The following SMIM10L1 variants were observed in gnomAD, a reference collection of about 807,000 sequenced individuals.
SMIM10L1 encodes small integral membrane protein 10 like 1, also known as small integral membrane protein 10-like protein 1.
Under a neutral mutation model 4.5 loss-of-function variants are expected in SMIM10L1, and 6 were observed. The ratio of observed to expected loss-of-function variants is 1.33; its 90% CI spans 0.73 to 2.62. The LOEUF (loss-of-function observed/expected upper bound fraction) is 2.62, where lower values mean the gene tolerates loss of function less well. Ranked by LOEUF, SMIM10L1 falls within the 30% of genes most tolerant of loss-of-function variation. The pLI is 0.00. For synonymous variants in SMIM10L1, 49 were observed against 42.2 expected (o/e 1.16, Z -0.63); for missense variants, 66 against 86.2 (o/e 0.77, Z 0.93).
Position 11,171,259 on chromosome 12 carries a change from T to C in SMIM10L1, c.-98T>C. ...CTTGGGTGTGAGCCCGGGAGCCGCT[T>C]TGCTTACCGTCCTGCCGGTCCCAGC... On this transcript the variant is annotated 5_prime_UTR_variant, in exon 1 of 1. Transcript: ENST00000622602. 2 of 810,256 alleles carry C rather than the reference T, an allele frequency of 2.5e-6. No individual in the cohort carries two copies. Among genetic ancestry groups the C allele is most frequent in the East Asian group, 3.4e-5 (1 of 29,658 alleles). 50.2% of individuals were successfully genotyped at this position (810,256 alleles called of 1,614,324 possible).
Position 11,171,832 on chromosome 12 carries a change from T to G in SMIM10L1, c.*269T>G, listed in dbSNP as rs1488649248. The G allele has an allele frequency of 3.2e-6, 1 of 313,038 alleles. No individual in the cohort carries two copies. The highest frequency in any genetic ancestry group is 5.8e-6 in the Non-Finnish European group (1 of 172,040). 19.4% of individuals were successfully genotyped at this position (313,038 alleles called of 1,614,324 possible). On this transcript the variant is annotated 3_prime_UTR_variant, in exon 1 of 1. Coordinates refer to ENST00000622602, the MANE Select transcript of SMIM10L1 (RefSeq NM_001271592.2). ...AAGAAAGTGTGCATCCTAAAACACC[T>G]GACGAATTTCAGAATGTGACAAAGC...
rs1169707512 is a variant in SMIM10L1, at chr12:11,175,729, A to C, written c.*4166A>C. The C allele has an allele frequency of 6.6e-6, 1 of 152,218 alleles. No homozygotes were observed. Among genetic ancestry groups the C allele is most frequent in the Non-Finnish European group, 1.5e-5 (1 of 68,092 alleles). The allele number at this position is 152,218 out of a possible 1,614,324, so 9.4% of individuals were successfully genotyped here. A position where few individuals can be genotyped will look rare whatever the true frequency, so the allele number is the denominator to read the frequency against. On this transcript the variant is annotated 3_prime_UTR_variant, in exon 1 of 1. Transcript: ENST00000622602. The stretch of plus-strand genomic sequence containing the variant: ...GTACTATGGTCTGAATGTGCCCCCC[A>C]AAAATTCACATGTTGGCATTTAACC...
At position 11,171,462 on chromosome 12, in the gene SMIM10L1, C is replaced by T. The variant is rs1450644654; in HGVS notation, c.106C>T (p.Leu36Phe). The change falls in exon 1 of 1, where the codon CTC becomes TTC. Residue 36 changes from leucine to phenylalanine, a missense_variant. Leu to Phe is a conservative substitution (Grantham distance 22). Coordinates refer to ENST00000622602, the MANE Select transcript of SMIM10L1 (RefSeq NM_001271592.2). The stretch of plus-strand genomic sequence containing the variant: ...CTGCAAGGGGCTCTCCCGCACCCTG[C>T]TCGCCTTCTTCGAGCTGGCCTGGCA... The part of the protein sequence containing the change: ...VFCKGLSRTL[L>F]AFFELAWQLR... 1.6e-6 allele frequency: 2 copies of T among 1,232,166 alleles called. No individual in the cohort carries two copies. Among genetic ancestry groups the T allele is most frequent in the Non-Finnish European group, 2.0e-6 (2 of 988,052 alleles). The allele number at this position is 1,232,166 out of a possible 1,614,324, so 76.3% of individuals were successfully genotyped here.
rs979605300 is a variant in SMIM10L1, at chr12:11,173,815, A to G, written c.*2252A>G. Reference sequence around the variant, plus strand: ...AACATAATTGGCAGCTCTGTGAGGGAAGACACTATATCCTATTCAATTTTA... The same window carrying G: ...AACATAATTGGCAGCTCTGTGAGGGGAGACACTATATCCTATTCAATTTTA... On this transcript the variant is annotated 3_prime_UTR_variant, in exon 1 of 1. Coordinates refer to ENST00000622602, the MANE Select transcript of SMIM10L1 (RefSeq NM_001271592.2). The G allele has an allele frequency of 6.6e-6, 1 of 152,002 alleles. No individual in the cohort carries two copies. Among genetic ancestry groups the G allele is most frequent in the African/African-American group, 2.4e-5 (1 of 41,406 alleles). The allele number at this position is 152,002 out of a possible 1,614,324, so 9.4% of individuals were successfully genotyped here.
chr12:11,171,304 G>A lies in SMIM10L1; in HGVS notation c.-53G>A, dbSNP rs1947835709. 4 of 1,153,142 alleles carry A rather than the reference G, an allele frequency of 3.5e-6. No homozygotes were observed. The highest frequency in any genetic ancestry group is 4.4e-6 in the Non-Finnish European group (4 of 915,912). The allele number at this position is 1,153,142 out of a possible 1,614,324, so 71.4% of individuals were successfully genotyped here. A position where few individuals can be genotyped will look rare whatever the true frequency, so the allele number is the denominator to read the frequency against. Reference sequence around the variant, plus strand: ...CCCAGCCGTCGCTAGGAGGTCCGCGGGCCCTGCGGCAACCCTCGCTACAGA... The same window carrying A: ...CCCAGCCGTCGCTAGGAGGTCCGCGAGCCCTGCGGCAACCCTCGCTACAGA... On this transcript the variant is annotated 5_prime_UTR_variant, in exon 1 of 1. Transcript: ENST00000622602.
rs1209875392 is a variant in SMIM10L1 at position 11,173,100 on chromosome 12, TTAAC to T, written c.*1541_*1544del. On this transcript the variant is annotated 3_prime_UTR_variant, in exon 1 of 1. Coordinates refer to ENST00000622602, the MANE Select transcript of SMIM10L1 (RefSeq NM_001271592.2). ...ACGCATTTTTTTTTTCAGGAAAAAA[TTAAC>T]TAATAAACCACTAAGAGGGGTAAAG... The T allele has an allele frequency of 9.2e-5, 14 of 151,792 alleles. No homozygotes were observed. Among genetic ancestry groups the T allele is most frequent in the Admixed American group, 6.6e-5 (1 of 15,238 alleles). The allele number at this position is 151,792 out of a possible 1,614,324, so 9.4% of individuals were successfully genotyped here.
Position 11,174,909 on chromosome 12 carries a change from C to T in SMIM10L1, c.*3346C>T, listed in dbSNP as rs1947926870. ...GGATTTAGAGAGGTTAAGTAAATTC[C>T]TAAGGTCATGATAACCAACCAGACC... On this transcript the variant is annotated 3_prime_UTR_variant, in exon 1 of 1. Transcript: ENST00000622602. The T allele has an allele frequency of 6.6e-6, 1 of 152,402 alleles. No individual in the cohort carries two copies. The highest frequency in any genetic ancestry group is 1.5e-5 in the Non-Finnish European group (1 of 67,978). The allele number at this position is 152,402 out of a possible 1,614,324, so 9.4% of individuals were successfully genotyped here.
Position 11,171,265 on chromosome 12 carries a change from A to T in SMIM10L1, c.-92A>T. On this transcript the variant is annotated 5_prime_UTR_variant, in exon 1 of 1. Coordinates refer to ENST00000622602, the MANE Select transcript of SMIM10L1 (RefSeq NM_001271592.2). ...TGTGAGCCCGGGAGCCGCTTTGCTT[A>T]CCGTCCTGCCGGTCCCAGCCGTCGC... The T allele has an allele frequency of 2.4e-6, 2 of 848,746 alleles. No homozygotes were observed. The highest frequency in any genetic ancestry group is 3.1e-6 in the Non-Finnish European group (2 of 637,910). The allele number at this position is 848,746 out of a possible 1,614,324, so 52.6% of individuals were successfully genotyped here.
Position 11,171,728 on chromosome 12 carries a change from G to A in SMIM10L1, c.*165G>A, listed in dbSNP as rs1444312298. 9.1e-6 allele frequency: 4 copies of A among 439,786 alleles called. No homozygotes were observed. The highest frequency in any genetic ancestry group is 1.1e-5 in the Non-Finnish European group (3 of 265,060). The allele number at this position is 439,786 out of a possible 1,614,324, so 27.2% of individuals were successfully genotyped here. On this transcript the variant is annotated 3_prime_UTR_variant, in exon 1 of 1. Coordinates refer to ENST00000622602, the MANE Select transcript of SMIM10L1 (RefSeq NM_001271592.2). Reference sequence around the variant, plus strand: ...CTGCTAGCGGAGCTCCTCAGGGGGCGGCCGGGAGCCTACAATCCCTAGAAA... The same window carrying A: ...CTGCTAGCGGAGCTCCTCAGGGGGCAGCCGGGAGCCTACAATCCCTAGAAA...
rs1947886913 is a variant in SMIM10L1, at chr12:11,172,940, G to A, written c.*1377G>A. 1 of 152,056 alleles carries A rather than the reference G, an allele frequency of 6.6e-6. No homozygotes were observed. Among genetic ancestry groups the A allele is most frequent in the African/African-American group, 2.4e-5 (1 of 41,418 alleles). The allele number at this position is 152,056 out of a possible 1,614,324, so 9.4% of individuals were successfully genotyped here. The stretch of plus-strand genomic sequence containing the variant: ...TGTGTAATGGTGGTGAGCCAATCAA[G>A]ATCTGATATAGAAAAATGCAGAAAA... On this transcript the variant is annotated 3_prime_UTR_variant, in exon 1 of 1. Coordinates refer to ENST00000622602, the MANE Select transcript of SMIM10L1 (RefSeq NM_001271592.2).
At position 11,172,823 on chromosome 12, in the gene SMIM10L1, A is replaced by G. The variant is rs1947884526; in HGVS notation, c.*1260A>G. 1 of 152,218 alleles carries G rather than the reference A, an allele frequency of 6.6e-6. No homozygotes were observed. The highest frequency in any genetic ancestry group is 6.5e-5 in the Admixed American group (1 of 15,288). The allele number at this position is 152,218 out of a possible 1,614,324, so 9.4% of individuals were successfully genotyped here. On this transcript the variant is annotated 3_prime_UTR_variant, in exon 1 of 1. Transcript: ENST00000622602. ...CAACTGTGAATAATAGTAGTCATGT[A>G]AAGTCAGTCATAATTATGTAAATAC...
At position 11,175,426 on chromosome 12, in the gene SMIM10L1, C is replaced by T. The variant is rs1947934034; in HGVS notation, c.*3863C>T. ...GGACATCAATAGCTTTTGATAGCGT[C>T]AAGAAGAAAATAAAGTTACATGCAG... On this transcript the variant is annotated 3_prime_UTR_variant, in exon 1 of 1. Transcript: ENST00000622602. 6.6e-6 allele frequency: 1 copy of T among 151,940 alleles called. No individual in the cohort carries two copies. Among genetic ancestry groups the T allele is most frequent in the South Asian group, 2.1e-4 (1 of 4,820 alleles). The allele number at this position is 151,940 out of a possible 1,614,324, so 9.4% of individuals were successfully genotyped here.
chr12:11,175,801 G>T lies in SMIM10L1; in HGVS notation c.*4238G>T, dbSNP rs754027812. 1.3e-5 allele frequency: 2 copies of T among 152,132 alleles called. No homozygotes were observed. Among genetic ancestry groups the T allele is most frequent in the Admixed American group, 1.3e-4 (2 of 15,266 alleles). 9.4% of individuals were successfully genotyped at this position (152,132 alleles called of 1,614,324 possible). The stretch of plus-strand genomic sequence containing the variant: ...GATGGGACCTTTGGGAGGTGATCAG[G>T]TCATAAAGATGAAACCCTCGTGAAT... On this transcript the variant is annotated 3_prime_UTR_variant, in exon 1 of 1. Transcript: ENST00000622602.
At position 11,171,250 on chromosome 12, in the gene SMIM10L1, G is replaced by A. The variant is rs924847704; in HGVS notation, c.-107G>A. 2.2e-5 allele frequency: 16 copies of A among 716,766 alleles called. No homozygotes were observed. Among genetic ancestry groups the A allele is most frequent in the East Asian group, 3.4e-5 (1 of 29,220 alleles). 44.4% of individuals were successfully genotyped at this position (716,766 alleles called of 1,614,324 possible). A position where few individuals can be genotyped will look rare whatever the true frequency, so the allele number is the denominator to read the frequency against. ...AGCGGCAAGCTTGGGTGTGAGCCCG[G>A]GAGCCGCTTTGCTTACCGTCCTGCC... On this transcript the variant is annotated 5_prime_UTR_variant, in exon 1 of 1. Transcript: ENST00000622602.
chr12:11,172,240 T>A lies in SMIM10L1; in HGVS notation c.*677T>A, dbSNP rs1947871869. The A allele has an allele frequency of 6.6e-6, 1 of 152,260 alleles. No homozygotes were observed. The highest frequency in any genetic ancestry group is 1.5e-5 in the Non-Finnish European group (1 of 68,048). The allele number at this position is 152,260 out of a possible 1,614,324, so 9.4% of individuals were successfully genotyped here. A position where few individuals can be genotyped will look rare whatever the true frequency, so the allele number is the denominator to read the frequency against. On this transcript the variant is annotated 3_prime_UTR_variant, in exon 1 of 1. Coordinates refer to ENST00000622602, the MANE Select transcript of SMIM10L1 (RefSeq NM_001271592.2). ...CCATAGTAGCACAAAGCTTGGCTGT[T>A]CAGTGAATAACATTTAAATAATCGT... is the stretch of plus-strand genomic sequence containing the variant.
Position 11,174,388 on chromosome 12 carries a change from G to A in SMIM10L1, c.*2825G>A, listed in dbSNP as rs1378840998. 6.6e-6 allele frequency: 1 copy of A among 152,060 alleles called. No individual in the cohort carries two copies. The highest frequency in any genetic ancestry group is 1.5e-5 in the Non-Finnish European group (1 of 67,968). 9.4% of individuals were successfully genotyped at this position (152,060 alleles called of 1,614,324 possible). A position where few individuals can be genotyped will look rare whatever the true frequency, so the allele number is the denominator to read the frequency against. On this transcript the variant is annotated 3_prime_UTR_variant, in exon 1 of 1. Coordinates refer to ENST00000622602, the MANE Select transcript of SMIM10L1 (RefSeq NM_001271592.2). ...AGATGAATGGCAATTTTGTTGGTATGCTCTACATAGTCAGCAGTCAATAAA... is the reference window on the plus strand; with the variant it reads ...AGATGAATGGCAATTTTGTTGGTATACTCTACATAGTCAGCAGTCAATAAA...
In SMIM10L1 at chr12:11,171,363, C is replaced by T. The variant is rs1354576474; in HGVS notation, c.7C>T (p.Pro3Ser). 4 of 1,231,656 alleles carry T rather than the reference C, an allele frequency of 3.2e-6. No homozygotes were observed. The highest frequency in any genetic ancestry group is 4.0e-6 in the Non-Finnish European group (4 of 987,730). 76.3% of individuals were successfully genotyped at this position (1,231,656 alleles called of 1,614,324 possible). A position where few individuals can be genotyped will look rare whatever the true frequency, so the allele number is the denominator to read the frequency against. The change falls in exon 1 of 1, where the codon CCC (proline) becomes TCC (serine). Residue 3 changes from proline to serine, a missense_variant. By Grantham distance (74) the Pro-to-Ser change is moderately conservative (BLOSUM62 -1). Transcript: ENST00000622602. MA[P>S]AAAPSSLAVR... ...GGGCGGCGACACCTGGCTCATGGCC[C>T]CCGCGGCGGCTCCGTCCTCCTTGGC...
In SMIM10L1 at chr12:11,171,464, C is replaced by T. The variant is rs1947842120; in HGVS notation, c.108C>T (p.Leu36=). ...GCAAGGGGCTCTCCCGCACCCTGCTCGCCTTCTTCGAGCTGGCCTGGCAGC... is the reference window on the plus strand; with the variant it reads ...GCAAGGGGCTCTCCCGCACCCTGCTTGCCTTCTTCGAGCTGGCCTGGCAGC... ...VFCKGLSRTL[L]AFFELAWQLR... The change falls in exon 1 of 1, where the codon CTC becomes CTT. Residue 36 remains leucine (L), a synonymous_variant. Transcript: ENST00000622602. 2 of 1,232,260 alleles carry T rather than the reference C, an allele frequency of 1.6e-6. No homozygotes were observed. The highest frequency in any genetic ancestry group is 1.0e-6 in the Non-Finnish European group (1 of 988,052). 76.3% of individuals were successfully genotyped at this position (1,232,260 alleles called of 1,614,324 possible). A position where few individuals can be genotyped will look rare whatever the true frequency, so the allele number is the denominator to read the frequency against.
chr12:11,171,394 G>A lies in SMIM10L1; in HGVS notation c.38G>A (p.Arg13Lys). ...PAAAPSSLAV[R>K]ASSPAATPTS... ...GCGGCTCCGTCCTCCTTGGCCGTCA[G>A]GGCCTCAAGCCCCGCCGCGACACCC... The change falls in exon 1 of 1, where the codon AGG (arginine) becomes AAG (lysine). Residue 13 changes from arginine (R) to lysine (K), a missense_variant. Physicochemically the swap from Arg to Lys is conservative, Grantham distance 26 (BLOSUM62 2). Transcript: ENST00000622602. The A allele has an allele frequency of 8.1e-7, 1 of 1,232,068 alleles. No individual in the cohort carries two copies. The highest frequency in any genetic ancestry group is 1.0e-6 in the Non-Finnish European group (1 of 987,942). The allele number at this position is 1,232,068 out of a possible 1,614,324, so 76.3% of individuals were successfully genotyped here.
Sources: gnomAD v4.1 joint callset for allele counts on GRCh38, gnomAD v4.1.1 for gene constraint, MANE v1.5 for transcripts, NCBI Gene and HGNC (gene_info 2026-07-23, HGNC 2026-07-21) for gene names.